Variants in APTX observed in about 807,000 individuals in gnomAD.
APTX encodes forkhead-associated domain histidine triad-like protein.
Under a neutral mutation model 42.3 loss-of-function variants are expected in APTX, and 33 were observed. The ratio of observed to expected loss-of-function variants is 0.78; its 90% confidence interval spans 0.59 to 1.04. The LOEUF is 1.04. Among genes scored for constraint, APTX ranks in the 50% least tolerant of loss-of-function variants. APTX has a pLI of 0.00. For synonymous variants in APTX, 130 were observed against 146.7 expected (o/e 0.89, Z 0.82); for missense variants, 421 against 415.1 (o/e 1.01, Z -0.12).
At chr9:33,023,184 T>C (rs1838531479) in intron 1 of APTX, among the ~76,000 whole-genome samples, 3 of 151,924 alleles carry the variant, frequency 2.0e-5, no homozygotes, top group South Asian at 4.1e-4. Context: ...TTCCCTATGT[T>C]GTGAGCTCCT....
At chr9:32,998,447 A>G (rs941052536) in intron 1 of APTX, among the ~76,000 whole-genome samples, 1 of 152,230 alleles carries the variant, frequency 6.6e-6, no homozygotes, top group Admixed American at 6.5e-5. Context: ...ACTATTAACA[A>G]TAGCAAAGAG....
At chr9:33,021,012 C>T (rs1473105978) in intron 1 of APTX, among the ~76,000 whole-genome samples, 1 of 152,024 alleles carries the variant, frequency 6.6e-6, no homozygotes, top group African/African-American at 2.4e-5. Flanking sequence ...GCCTGTAATC[C>T]CAGCTACTTG....
chr9:32,996,503 C>A (rs1235576152), intron 1 of APTX, among the ~76,000 whole-genome samples: 1 of 152,024 alleles, frequency 6.6e-6, no homozygotes, highest in African/African-American at 2.4e-5. Context: ...AAACTCCTGG[C>A]CTCAAGCAAT....
chr9:32,998,239 G>T (rs1888869), intron 1 of APTX, among the ~76,000 whole-genome samples: 2 of 151,934 alleles, frequency 1.3e-5, no homozygotes, highest in Non-Finnish European at 2.9e-5. Context: ...TTCAATTTGG[G>T]GGCATGTAGG....
intron 4 of APTX, 174 bp from the exon 5 acceptor site, chr9:32,986,204 T>C (rs755902213): frequency 2.1e-5 from 16 of 758,190 alleles, no homozygotes; most frequent in Admixed American, 8.9e-5. Flanking sequence ...CTTCACTCCA[T>C]TGCCTTCCTA....
intron 6 of APTX, among the ~76,000 whole-genome samples, chr9:32,976,001 T>C (rs1253269628): frequency 3.3e-5 from 5 of 152,196 alleles, no homozygotes; most frequent in African/African-American, 1.2e-4. Flanking sequence ...AAGCGTACCG[T>C]AAGAACCTAT....
intron 2 of APTX, 27 bp downstream of exon 2, chr9:32,989,732 A>C (rs758200726): frequency 6.2e-7 from 1 of 1,614,152 alleles, no homozygotes; most frequent in Non-Finnish European, 8.5e-7. Context: ...TAACCATAGT[A>C]ATCTCCACAT....
At chr9:32,996,646 T>C (rs910054810) in intron 1 of APTX, among the ~76,000 whole-genome samples, 1 of 152,176 alleles carries the variant, frequency 6.6e-6, no homozygotes, top group African/African-American at 2.4e-5. Flanking sequence ...AAGCCTCACC[T>C]CCTCCCTAAA....
chr9:33,018,937 G>A lies in APTX; in HGVS notation c.-5+6086C>T, dbSNP rs1430955002. On this transcript the variant is annotated intron_variant, in intron 1 of 6. Transcript: ENST00000436040. ...AGGTCCTTAAAAATAAGTAAAGTCT[G>A]AGAAACTGTCACAGTCAAGATGAGA... Among the ~76,000 whole-genome samples, 8 of 152,164 alleles carry A rather than the reference G, an allele frequency of 5.3e-5. No individual in the cohort carries two copies. The East Asian group carries it at 1.5e-3, about 29-fold the overall frequency.
At chr9:33,019,672 T>C in intron 1 of APTX, 1 of 462,866 alleles carries the variant, frequency 2.2e-6, no homozygotes, top group Non-Finnish European at 3.9e-6. Flanking sequence ...GACGCAAGGT[T>C]AGACCTCGCC....
At chr9:33,002,508 T>G (rs1027343098), upstream of APTX, among the ~76,000 whole-genome samples, 14 of 152,304 alleles carry the variant, frequency 9.2e-5, no homozygotes, top group East Asian at 2.7e-3. Context: ...TACCTTGGCC[T>G]GTCTCCAGCA....
At chr9:32,988,892 T>C (rs1054296072) in intron 2 of APTX, among the ~76,000 whole-genome samples, 11 of 152,258 alleles carry the variant, frequency 7.2e-5, no homozygotes, top group Middle Eastern at 3.4e-3. Context: ...AGAAAGATGA[T>C]TGCAGAGACA....
At chr9:32,994,602 A>AT (rs1193681753) in intron 1 of APTX, among the ~76,000 whole-genome samples, 1 of 152,064 alleles carries the variant, frequency 6.6e-6, no homozygotes, top group African/African-American at 2.4e-5. Context: ...TTTCAGTGCC[A>AT]TTTTTCCAAC....
At chr9:33,012,302 G>A (rs1311735480) in intron 1 of APTX, among the ~76,000 whole-genome samples, 1 of 151,960 alleles carries the variant, frequency 6.6e-6, no homozygotes, top group African/African-American at 2.4e-5. Flanking sequence ...GAAAAAAAAA[G>A]AACGCAAAAT....
chr9:33,020,620 T>C (rs1838296103), intron 1 of APTX, among the ~76,000 whole-genome samples: 2 of 152,166 alleles, frequency 1.3e-5, no homozygotes, highest in South Asian at 4.1e-4. Flanking sequence ...TGGCAGGTCC[T>C]CACAAAAGAA....
At chr9:33,009,130 T>C (rs925944594) in intron 1 of APTX, among the ~76,000 whole-genome samples, 2 of 152,216 alleles carry the variant, frequency 1.3e-5, no homozygotes, top group African/African-American at 2.4e-5. Context: ...TTTAAGAGTT[T>C]AGGAGATGAT....
chr9:32,984,659 A>G lies in APTX; in HGVS notation c.742T>C (p.Leu248=), dbSNP rs141195622. 6.2e-7 allele frequency: 1 copy of G among 1,614,180 alleles called. No individual in the cohort carries two copies. Among genetic ancestry groups the G allele is most frequent in the Admixed American group, 1.7e-5 (1 of 60,018 alleles). The part of the protein sequence containing the change: ...FAGSSKLRFR[L]GYHAIPSMSH... ...ATACTCGGAATGGCGTGGTAGCCCA[A>G]TCGGAAGCGGAGTTTGCTGGACCCA... The change falls in exon 6 of 8, where the codon TTG becomes CTG. Residue 248 remains leucine, a synonymous_variant. Coordinates refer to ENST00000379817, the MANE Select transcript of APTX (RefSeq NM_001195248.2).
intron 1 of APTX, chr9:33,016,186 A>T (rs1175821806): frequency 6.6e-6 from 1 of 152,238 alleles, no homozygotes; most frequent in Non-Finnish European, 1.5e-5. Context: ...CTTTTCAGGT[A>T]TATTCCCAAC....
rs143778899 is a variant in APTX at position 32,998,090 on chromosome 9, A to G, written c.-5+3477T>C. ...CTATCAGGACTTAGTGATGAATGTG[A>G]TAAGAGTTAAGTCCAGGAAAGACAC... On this transcript the variant is annotated intron_variant, in intron 1 of 7. Transcript: ENST00000379817. Among the ~76,000 whole-genome samples, 628 of 152,324 alleles carry G rather than the reference A, an allele frequency of 4.1e-3. 6 individuals are homozygous for G. The highest frequency in any genetic ancestry group is 0.014 in the African/African-American group (598 of 41,570).
Sources: gnomAD v4.1 joint callset for allele counts (sites outside exome capture counted in the v4.1 genomes callset) on GRCh38, gnomAD v4.1.1 for gene constraint, MANE v1.5 for transcripts, NCBI Gene and HGNC (gene_info 2026-07-23, HGNC 2026-07-21) for gene names.